Variants in ARHGAP21 observed in about 807,000 individuals in gnomAD.
ARHGAP21 encodes Rho GTPase activating protein 21.
A neutral mutation model predicts 164.6 loss-of-function variants in ARHGAP21; 38 were observed. The observed-to-expected ratio is 0.23, with a 90% CI of 0.18 to 0.30. The LOEUF (loss-of-function observed/expected upper bound fraction) is 0.30, where lower values mean the gene tolerates loss of function less well. Among genes scored for constraint, ARHGAP21 ranks in the 10% least tolerant of loss-of-function variants. The pLI, the probability that ARHGAP21 is intolerant of heterozygous loss-of-function variation, is 1.00. For missense variants in ARHGAP21, 1,822 were observed against 2,370.7 expected (o/e 0.77, Z 4.81); for synonymous variants, 766 against 857.9 (o/e 0.89, Z 1.87).
chr10:24,704,097 T>C (rs1056601632), intron 2 of ARHGAP21, among the ~76,000 whole-genome samples: 2 of 152,098 alleles, frequency 1.3e-5, no homozygotes, highest in African/African-American at 4.8e-5. Context: ...TCTCTAGTTA[T>C]CCATGGTCTC....
At position 24,702,127 on chromosome 10, in the gene ARHGAP21, C is replaced by CTTTTTT. The variant is rs71798625; in HGVS notation, c.63+19704_63+19709dup. Reference sequence around the variant, plus strand: ...TGAGGGGGAGAAAATACTTCCGGTTCTTTTTTTTTTTTTTTTTTTTTGAGA... The same window carrying CTTTTTT: ...TGAGGGGGAGAAAATACTTCCGGTTCTTTTTTTTTTTTTTTTTTTTTTTTTTTGAGA... On this transcript the variant is annotated intron_variant, in intron 2 of 25. Transcript: ENST00000396432. Among the ~76,000 whole-genome samples, 30 of 104,596 alleles carry CTTTTTT rather than the reference C, an allele frequency of 2.9e-4. 1 individual carries two copies. The highest frequency in any genetic ancestry group is 3.4e-4 in the Non-Finnish European group (19 of 55,886). The allele number at this position is 104,596 out of a possible 152,430, so 68.6% of individuals were successfully genotyped here.
chr10:24,679,819 C>A (rs573052677), intron 2 of ARHGAP21, among the ~76,000 whole-genome samples: 4 of 152,146 alleles, frequency 2.6e-5, no homozygotes, highest in Non-Finnish European at 5.9e-5. Context: ...TTTCAGGGTA[C>A]ATGTGCACAA....
chr10:24,718,052 G>A (rs559604142), intron 2 of ARHGAP21, among the ~76,000 whole-genome samples: 1 of 152,292 alleles, frequency 6.6e-6, no homozygotes, highest in African/African-American at 2.4e-5. Flanking sequence ...AAACTCCGTA[G>A]GGAATCTGTT....
chr10:24,653,487 G>A (rs1838425408), intron 4 of ARHGAP21, among the ~76,000 whole-genome samples: 1 of 152,072 alleles, frequency 6.6e-6, no homozygotes, highest in Non-Finnish European at 1.5e-5. Flanking sequence ...GAGGCAGAAT[G>A]GTGTGAACCC....
chr10:24,719,098 T>TACACACACACACACAC (rs57863565), intron 2 of ARHGAP21, among the ~76,000 whole-genome samples: 128 of 147,612 alleles, frequency 8.7e-4, no homozygotes, highest in African/African-American at 2.3e-3. Context: ...CTTCACGGAC[T>TACACACACACACACAC]ACACACACAC....
chr10:24,656,427 T>G (rs1317186865), intron 4 of ARHGAP21, among the ~76,000 whole-genome samples: 65 of 65,144 alleles, frequency 1.0e-3, no homozygotes, highest in Admixed American at 1.6e-3. Context: ...CCGCCCCGTC[T>G]GGGAGGTGAG....
chr10:24,596,134 G>GAAAC, intron 17 of ARHGAP21, 91 bp from the exon 18 acceptor site: 1 of 1,142,946 alleles, frequency 8.7e-7, no homozygotes, highest in Non-Finnish European at 1.2e-6. Flanking sequence ...CATCCAAAAG[G>GAAAC]AAACATAAAT....
intron 7 of ARHGAP21, chr10:24,629,002 T>A (rs1389867059): frequency 5.6e-4 from 46 of 81,538 alleles, no homozygotes; most frequent in Non-Finnish European, 9.7e-4. Flanking sequence ...TTTTTTTTTT[T>A]TTTTTTTTTT....
chr10:24,598,373 TGTAA>T (rs2076671494), intron 14 of ARHGAP21, among the ~76,000 whole-genome samples: 1 of 152,200 alleles, frequency 6.6e-6, no homozygotes, highest in Non-Finnish European at 1.5e-5. Flanking sequence ...GAAATATACG[TGTAA>T]GTGATTTTTC....
At chr10:24,709,187 C>A (rs922399847) in intron 2 of ARHGAP21, among the ~76,000 whole-genome samples, 4 of 152,114 alleles carry the variant, frequency 2.6e-5, no homozygotes, top group Non-Finnish European at 5.9e-5. Flanking sequence ...TAGAAACATA[C>A]AACCACTCAA....
Position 24,583,848 on chromosome 10 carries a change from A to G in ARHGAP21, c.*564T>C, listed in dbSNP as rs1013903205. The G allele has an allele frequency of 1.3e-5, 2 of 152,794 alleles. No individual in the cohort carries two copies. Among genetic ancestry groups the G allele is most frequent in the African/African-American group, 4.8e-5 (2 of 41,584 alleles). The allele number at this position is 152,794 out of a possible 1,614,324, so 9.5% of individuals were successfully genotyped here. ...AAGTTACGTATTTTACAGAAAGATTAAAAATTCAAGTCACACAAAACTCAA... is the reference window on the plus strand; with the variant it reads ...AAGTTACGTATTTTACAGAAAGATTGAAAATTCAAGTCACACAAAACTCAA... On this transcript the variant is annotated 3_prime_UTR_variant, in exon 26 of 26. Coordinates refer to ENST00000396432, the MANE Select transcript of ARHGAP21 (RefSeq NM_020824.4).
At chr10:24,672,578 G>A (rs553909847) in intron 2 of ARHGAP21, among the ~76,000 whole-genome samples, 49 of 152,268 alleles carry the variant, frequency 3.2e-4, no homozygotes, top group African/African-American at 1.1e-3. Flanking sequence ...AACTTAACAT[G>A]TCTGCATAGC....
chr10:24,667,767 T>C (rs924828283), intron 3 of ARHGAP21, among the ~76,000 whole-genome samples: 6 of 151,990 alleles, frequency 3.9e-5, no homozygotes, highest in Non-Finnish European at 8.8e-5. Flanking sequence ...TTTTTTTTTT[T>C]CTTCTTCTGA....
rs1360740318 is a variant in ARHGAP21 at position 24,633,452 on chromosome 10, T to C, written c.390A>G (p.Glu130=). Residue 130 remains glutamate (E), a synonymous_variant, in exon 6 of 26, where the codon GAA becomes GAG. Transcript: ENST00000396432. ...TGDRIIKVNG[E]SVIGKTYSQV... is the part of the protein sequence containing the mutation. ...GGGAATAGGTTTTGCCAATAACACT[T>C]TCTCCATTGACTTTTATAATTCGGT... The C allele has an allele frequency of 5.0e-6, 8 of 1,611,488 alleles. No individual in the cohort carries two copies. Among genetic ancestry groups the C allele is most frequent in the Admixed American group, 1.7e-5 (1 of 59,904 alleles).
intron 2 of ARHGAP21, among the ~76,000 whole-genome samples, chr10:24,714,566 G>A (rs1396091024): frequency 1.3e-5 from 2 of 152,020 alleles, no homozygotes; most frequent in Admixed American, 6.6e-5. Flanking sequence ...ATTCTAACAG[G>A]TTTTAGCTTT....
intron 2 of ARHGAP21, among the ~76,000 whole-genome samples, chr10:24,719,996 C>T (rs1388922366): frequency 2.0e-5 from 3 of 152,096 alleles, no homozygotes; most frequent in Admixed American, 2.0e-4. Context: ...TAGTTTAATA[C>T]CAAACCTAAA....
chr10:24,694,390 G>GACC (rs376423397), intron 2 of ARHGAP21, among the ~76,000 whole-genome samples: 7 of 152,364 alleles, frequency 4.6e-5, no homozygotes, highest in Non-Finnish European at 7.3e-5. Context: ...ATTCCTTAAT[G>GACC]ATAGTGGCTC....
At chr10:24,622,881 A>C in intron 7 of ARHGAP21, 119 bp from the exon 8 acceptor site, 1 of 944,330 alleles carries the variant, frequency 1.1e-6, no homozygotes, top group South Asian at 1.8e-5. Context: ...TTTCTCTGGA[A>C]GGTACCAAGA....
intron 24 of ARHGAP21, chr10:24,590,560 A>C: frequency 6.7e-7 from 1 of 1,490,580 alleles, no homozygotes; most frequent in Non-Finnish European, 8.9e-7. Flanking sequence ...ACTAGAGACA[A>C]AGGGAGAACA....
Sources: gnomAD v4.1 joint callset for allele counts (sites outside exome capture counted in the v4.1 genomes callset) on GRCh38, gnomAD v4.1.1 for gene constraint, MANE v1.5 for transcripts, NCBI Gene and HGNC (gene_info 2026-07-23, HGNC 2026-07-21) for gene names.